Variants in FURIN observed in about 807,000 individuals in gnomAD.
FURIN encodes FES upstream region.
A neutral mutation model predicts 89.2 loss-of-function variants in FURIN; 18 were observed. That is an observed-to-expected ratio of 0.20 (90% CI 0.14 to 0.30). FURIN has a LOEUF of 0.30. FURIN is among the 10% of genes least tolerant of loss of function. The probability of loss-of-function intolerance (pLI) is 1.00; values close to 1 mark genes in which losing one functional copy is unlikely to be tolerated. For synonymous variants in FURIN, 508 were observed against 466.4 expected (o/e 1.09, Z -1.15); for missense variants, 879 against 1,100.5 (o/e 0.80, Z 2.85).
intron 1 of FURIN, among the ~76,000 whole-genome samples, chr15:90,875,049 T>C (rs2031531780): frequency 6.7e-6 from 1 of 150,022 alleles, no homozygotes; most frequent in African/African-American, 2.5e-5. Context: ...TTTTTTTTTT[T>C]TTGAGAGGGA....
In FURIN at chr15:90,876,134, G is replaced by A; in HGVS notation, c.178-121G>A. 2.5e-6 allele frequency: 2 copies of A among 808,538 alleles called. No homozygotes were observed. Among genetic ancestry groups the A allele is most frequent in the Admixed American group, 1.8e-5 (1 of 55,192 alleles). The allele number at this position is 808,538 out of a possible 1,614,324, so 50.1% of individuals were successfully genotyped here. A position where few individuals can be genotyped will look rare whatever the true frequency, so the allele number is the denominator to read the frequency against. On this transcript the variant is annotated intron_variant, in intron 2 of 15. Coordinates refer to ENST00000268171, the MANE Select transcript of FURIN (RefSeq NM_002569.4). This position sits in a 1 kb window ranked among gnomAD's most constrained non-coding sequence, Gnocchi z 5.0. Reference sequence around the variant, plus strand: ...CATTTTGCTGGGTCCCGGACAGGGAGCAGATGCCCCGCACCCCCGACCGTG... The same window carrying A: ...CATTTTGCTGGGTCCCGGACAGGGAACAGATGCCCCGCACCCCCGACCGTG...
At position 90,878,968 on chromosome 15, in the gene FURIN, A is replaced by C. The variant is rs917418936; in HGVS notation, c.1045A>C (p.Lys349Gln). Residue 349 changes from lysine to glutamine, a missense_variant, in exon 9 of 16, where the codon AAG (lysine) becomes CAG (glutamine). Physicochemically the swap from Lys to Gln is moderately conservative, Grantham distance 53. Around this residue, in one of 5 missense-constraint regions of FURIN, gnomAD observed 156 missense variants for 243.7 expected, o/e 0.64. Transcript: ENST00000268171. ...CTACAGCAGTGGCAACCAGAATGAG[A>C]AGCAGATCGTGAGTCTTACCTGGGG... ...TTYSSGNQNE[K>Q]QIVTTDLRQK... 1.9e-6 allele frequency: 3 copies of C among 1,588,944 alleles called. No individual in the cohort carries two copies. In the East Asian group the frequency reaches 6.9e-5, roughly 36 times the overall value.
At position 90,880,995 on chromosome 15, in the gene FURIN, G is replaced by C. The variant is rs2031932009; in HGVS notation, c.1747G>C (p.Glu583Gln). The C allele has an allele frequency of 6.2e-7, 1 of 1,614,128 alleles. No homozygotes were observed. The highest frequency in any genetic ancestry group is 2.2e-5 in the East Asian group (1 of 44,878). The change falls in exon 15 of 16, where the codon GAA (glutamate) becomes CAA (glutamine). Residue 583 changes from glutamate (E) to glutamine (Q), a missense_variant. Glu to Gln is a conservative substitution (Grantham distance 29). Transcript: ENST00000268171. ...CCCTGAGGGGCTGCCCGTACCTCCA[G>C]AAAGCAGTGGCTGCAAGACCCTCAC... ...TAPEGLPVPP[E>Q]SSGCKTLTSS...
At chr15:90,877,835 A>C (rs1021896278) in intron 7 of FURIN, among the ~76,000 whole-genome samples, 4 of 152,196 alleles carry the variant, frequency 2.6e-5, no homozygotes, top group Non-Finnish European at 4.4e-5. Flanking sequence ...CTCACGACCC[A>C]CTGTGAGTCC....
rs766720360 is a variant in FURIN at position 90,879,771 on chromosome 15, A to G, written c.1255A>G (p.Lys419Glu). 1.2e-6 allele frequency: 2 copies of G among 1,613,360 alleles called. No individual in the cohort carries two copies. Among genetic ancestry groups the G allele is most frequent in the Non-Finnish European group, 1.7e-6 (2 of 1,179,648 alleles). The change falls in exon 11 of 16, where the codon AAA becomes GAA. Residue 419 changes from lysine to glutamate, a missense_variant. Lys to Glu is a moderately conservative substitution (Grantham distance 56, BLOSUM62 1). Coordinates refer to ENST00000268171, the MANE Select transcript of FURIN (RefSeq NM_002569.4). ...NDWATNGVGRKVSHSYGYGLL... is the reference protein window; with the variant it reads ...NDWATNGVGREVSHSYGYGLL... ...CTGGGCCACCAATGGTGTGGGCCGG[A>G]AAGGTGAGGGCAGGCTGGCCCGGCA... is the stretch of plus-strand genomic sequence containing the variant.
At chr15:90,877,273 C>A in intron 6 of FURIN, 62 bp downstream of exon 6, 1 of 1,353,604 alleles carries the variant, frequency 7.4e-7, no homozygotes. Flanking sequence ...AGGAACAGGG[C>A]TGAGCCTGGG....
chr15:90,878,332 C>G (rs1463881919), intron 8 of FURIN, 28 bp downstream of exon 8: 1 of 1,536,960 alleles, frequency 6.5e-7, no homozygotes, highest in Non-Finnish European at 8.8e-7. Context: ...CCAGCCCCTG[C>G]GGGCAGGTTG....
intron 1 of FURIN, among the ~76,000 whole-genome samples, chr15:90,871,173 A>G (rs1441219875): frequency 2.0e-5 from 3 of 152,098 alleles, no homozygotes; most frequent in Admixed American, 1.3e-4. Flanking sequence ...TTCGTCGCCC[A>G]GGAGTGGGGA....
chr15:90,879,685 G>A lies in FURIN; in HGVS notation c.1169G>A (p.Trp390Ter). 6.2e-7 allele frequency: 1 copy of A among 1,613,432 alleles called. No individual in the cohort carries two copies. The highest frequency in any genetic ancestry group is 8.5e-7 in the Non-Finnish European group (1 of 1,179,842). ...LTLEANKNLT[W>*]RDMQHLVVQT... Reference sequence around the variant, plus strand: ...CTTCTTTGCAGTAAGAACCTCACATGGCGGGACATGCAACACCTGGTGGTA... The same window carrying A: ...CTTCTTTGCAGTAAGAACCTCACATAGCGGGACATGCAACACCTGGTGGTA... Residue 390 changes from tryptophan (W) to a stop codon, truncating the protein, a stop_gained, in exon 11 of 16, where the codon TGG becomes TAG. Transcript: ENST00000268171. LOFTEE classifies it high-confidence loss of function.
chr15:90,876,203 C>CT lies in FURIN; in HGVS notation c.178-52_178-51insT. On this transcript the variant is annotated intron_variant, in intron 2 of 15. Coordinates refer to ENST00000268171, the MANE Select transcript of FURIN (RefSeq NM_002569.4). The surrounding 1 kb of genome is among the most constrained non-coding windows in gnomAD (Gnocchi z 5.0). ...CGTTGTCCACCCCCGTCCCCCGCCTCCCGGGGACTGACAGATGGAAAGCCC... is the reference window on the plus strand; with the variant it reads ...CGTTGTCCACCCCCGTCCCCCGCCTCTCCGGGGACTGACAGATGGAAAGCCC... The CT allele has an allele frequency of 2.6e-6, 3 of 1,168,398 alleles. No homozygotes were observed. Among genetic ancestry groups the CT allele is most frequent in the Non-Finnish European group, 1.2e-6 (1 of 830,082 alleles). The allele number at this position is 1,168,398 out of a possible 1,614,324, so 72.4% of individuals were successfully genotyped here. A position where few individuals can be genotyped will look rare whatever the true frequency, so the allele number is the denominator to read the frequency against.
At position 90,873,920 on chromosome 15, in the gene FURIN, C is replaced by G. The variant is rs933843955; in HGVS notation, c.-159-1662C>G. Among the ~76,000 whole-genome samples the G allele has an allele frequency of 2.0e-5, 3 of 152,196 alleles. No individual in the cohort carries two copies. In the South Asian group the frequency reaches 6.2e-4, roughly 31 times the overall value. On this transcript the variant is annotated intron_variant, in intron 1 of 15. Transcript: ENST00000268171. ...GTGGGACTGCAGCAGTCAGGGAGGCCGGTTGTGTCTAAGGGCAGCTTCTGG... is the reference window on the plus strand; with the variant it reads ...GTGGGACTGCAGCAGTCAGGGAGGCGGGTTGTGTCTAAGGGCAGCTTCTGG...
Position 90,876,327 on chromosome 15 carries a change from C to T in FURIN, c.250C>T (p.His84Tyr). 1 of 1,612,018 alleles carries T rather than the reference C, an allele frequency of 6.2e-7. No individual in the cohort carries two copies. Among genetic ancestry groups the T allele is most frequent in the Non-Finnish European group, 8.5e-7 (1 of 1,178,370 alleles). Residue 84 changes from histidine (H) to tyrosine (Y), a missense_variant, in exon 3 of 16, where the codon CAC becomes TAC. His to Tyr is a moderately conservative substitution (Grantham distance 83). This residue lies in a region of FURIN where 125 missense variants were observed against 125.0 expected (regional missense o/e 1.00). Coordinates refer to ENST00000268171, the MANE Select transcript of FURIN (RefSeq NM_002569.4). This position sits in a 1 kb window ranked among gnomAD's most constrained non-coding sequence, Gnocchi z 5.0. ...GTCCCTGTCGCCTCACCGCCCGCGGCACAGCCGGCTGCAGAGGGAGCCTCA... is the reference window on the plus strand; with the variant it reads ...GTCCCTGTCGCCTCACCGCCCGCGGTACAGCCGGCTGCAGAGGGAGCCTCA... ...KRSLSPHRPRHSRLQREPQVQ... is the reference protein window; with the variant it reads ...KRSLSPHRPRYSRLQREPQVQ...
chr15:90,874,099 A>G (rs1374862738), intron 1 of FURIN, among the ~76,000 whole-genome samples: 1 of 152,178 alleles, frequency 6.6e-6, no homozygotes, highest in Non-Finnish European at 1.5e-5. Flanking sequence ...GGAGCTTGGC[A>G]CTGATATGGG....
Position 90,879,716 on chromosome 15 carries a change from C to T in FURIN, c.1200C>T (p.Thr400=). ...ACATGCAACACCTGGTGGTACAGAC[C>T]TCGAAGCCAGCCCACCTCAATGCCA... ...WRDMQHLVVQ[T]SKPAHLNAND... The change falls in exon 11 of 16, where the codon ACC becomes ACT. Residue 400 remains threonine (T), a synonymous_variant. Coordinates refer to ENST00000268171, the MANE Select transcript of FURIN (RefSeq NM_002569.4). 1 of 1,613,824 alleles carries T rather than the reference C, an allele frequency of 6.2e-7. No individual in the cohort carries two copies. Among genetic ancestry groups the T allele is most frequent in the Non-Finnish European group, 8.5e-7 (1 of 1,180,012 alleles).
chr15:90,869,685 T>C (rs897127264), intron 1 of FURIN, among the ~76,000 whole-genome samples: 1 of 152,194 alleles, frequency 6.6e-6, no homozygotes, highest in African/African-American at 2.4e-5. Context: ...TCTGCCTGGG[T>C]GGCAGTCATC....
Position 90,881,639 on chromosome 15 carries a change from G to A in FURIN, c.2146G>A (p.Val716Met). 2.5e-6 allele frequency: 4 copies of A among 1,589,346 alleles called. No homozygotes were observed. Among genetic ancestry groups the A allele is most frequent in the Non-Finnish European group, 2.6e-6 (3 of 1,165,062 alleles). Residue 716 changes from valine to methionine, a missense_variant, in exon 16 of 16, where the codon GTG becomes ATG. Around this residue, in one of 5 missense-constraint regions of FURIN, gnomAD observed 457 missense variants for 490.7 expected, o/e 0.93. Transcript: ENST00000268171. The surrounding 1 kb of genome is among the most constrained non-coding windows in gnomAD (Gnocchi z 4.3). ...GCTGCTGCCCTCACACCTGCCTGAGGTGGTGGCCGGCCTCAGCTGCGCCTT... is the reference window on the plus strand; with the variant it reads ...GCTGCTGCCCTCACACCTGCCTGAGATGGTGGCCGGCCTCAGCTGCGCCTT... Reference protein sequence around the residue: ...AGLLPSHLPEVVAGLSCAFIV... With the variant: ...AGLLPSHLPEMVAGLSCAFIV...
In FURIN at chr15:90,880,134, G is replaced by A. The variant is rs772432840; in HGVS notation, c.1417G>A (p.Ala473Thr). 3.0e-5 allele frequency: 49 copies of A among 1,609,668 alleles called. No individual in the cohort carries two copies. Among genetic ancestry groups the A allele is most frequent in the South Asian group, 1.3e-4 (12 of 90,882 alleles). The change falls in exon 13 of 16, where the codon GCG becomes ACG. Residue 473 changes from alanine (A) to threonine (T), a missense_variant. This residue lies in a region of FURIN where 457 missense variants were observed against 490.7 expected (regional missense o/e 0.93). Coordinates refer to ENST00000268171, the MANE Select transcript of FURIN (RefSeq NM_002569.4). ...KRLEVRKTVT[A>T]CLGEPNHITR... ...GCTCGAGGTGCGGAAGACCGTGACC[G>A]CGTGCCTGGGCGAGCCCAACCACAT...
rs372610010 is a variant in FURIN, at chr15:90,880,919, C to T, written c.1682-11C>T. On this transcript the variant is annotated splice_polypyrimidine_tract_variant and intron_variant, in intron 14 of 15. Transcript: ENST00000268171. ...TGTCTTAACTCTTGCCTCCTCCCCGCTCTGGAACAGGGACGCTGACCAAGT... is the reference window on the plus strand; with the variant it reads ...TGTCTTAACTCTTGCCTCCTCCCCGTTCTGGAACAGGGACGCTGACCAAGT... 2 of 1,612,420 alleles carry T rather than the reference C, an allele frequency of 1.2e-6. No individual in the cohort carries two copies. The highest frequency in any genetic ancestry group is 1.7e-6 in the Non-Finnish European group (2 of 1,178,412).
chr15:90,880,042 G>C, intron 12 of FURIN, 52 bp from the exon 13 acceptor site: 1 of 1,602,902 alleles, frequency 6.2e-7, no homozygotes, highest in East Asian at 2.2e-5. Flanking sequence ...CGCAGGGGGT[G>C]CCCGCTGGTC....
Sources: gnomAD v4.1 joint callset for allele counts (sites outside exome capture counted in the v4.1 genomes callset) on GRCh38, gnomAD v4.1.1 for gene constraint, gnomAD v4.1.1 regional missense constraint, Gnocchi (gnomAD v3.1) non-coding constraint, MANE v1.5 for transcripts, NCBI Gene and HGNC (gene_info 2026-07-23, HGNC 2026-07-21) for gene names.